The following NUP188 variants were observed in gnomAD, a reference collection of about 807,000 sequenced individuals.
NUP188 encodes nucleoporin NUP188.
A neutral mutation model predicts 223.0 loss-of-function variants in NUP188; 97 were observed. The observed-to-expected ratio is 0.43, with a 90% CI of 0.37 to 0.51. The LOEUF (loss-of-function observed/expected upper bound fraction) is 0.51. NUP188 is among the 20% of genes least tolerant of loss of function. NUP188 has a pLI of 0.00. For synonymous variants in NUP188, 869 were observed against 828.0 expected (o/e 1.05, Z -0.85); for missense variants, 1,947 against 2,175.6 (o/e 0.89, Z 2.09).
Position 129,005,691 on chromosome 9 carries a change from C to T in NUP188, c.4784C>T (p.Thr1595Ile), listed in dbSNP as rs530426584. 3 of 1,614,128 alleles carry T rather than the reference C, an allele frequency of 1.9e-6. No individual in the cohort carries two copies. The highest frequency in any genetic ancestry group is 1.3e-5 in the African/African-American group (1 of 75,030). ...EYNFLFALSF[T>I]TPTFDSEVAP... ...AACTTCCTGTTTGCCCTGAGCTTTA[C>T]CACTCCCACCTTTGACTCCGAAGTG... The change falls in exon 41 of 44, where the codon ACC becomes ATC. Residue 1595 changes from threonine (T) to isoleucine (I), a missense_variant. Around this residue, in one of 3 missense-constraint regions of NUP188, gnomAD observed 905 missense variants for 990.6 expected, o/e 0.91. Transcript: ENST00000372577.
intron 38 of NUP188, 131 bp from the exon 39 acceptor site, chr9:129,005,016 G>A (rs1842753180): frequency 1.4e-6 from 1 of 697,758 alleles, no homozygotes; most frequent in Non-Finnish European, 2.6e-6. Context: ...GAGCATGAGG[G>A]AAGGAGGGAG....
At chr9:128,984,396 G>A (rs1470387665) in intron 19 of NUP188, among the ~76,000 whole-genome samples, 3 of 152,142 alleles carry the variant, frequency 2.0e-5, no homozygotes, top group Non-Finnish European at 4.4e-5. Flanking sequence ...AAAGTGCTGG[G>A]ATTACAGGCA....
At chr9:128,983,852 G>A (rs774045862) in intron 19 of NUP188, among the ~76,000 whole-genome samples, 5 of 151,550 alleles carry the variant, frequency 3.3e-5, no homozygotes, top group South Asian at 2.1e-4. Flanking sequence ...ATGGAGTTTC[G>A]CTCTGTTACC....
chr9:128,986,981 C>T (rs1046420828), intron 22 of NUP188, 106 bp downstream of exon 22: 11 of 923,968 alleles, frequency 1.2e-5, no homozygotes, highest in Non-Finnish European at 1.9e-5. Flanking sequence ...CTTGCTTGAG[C>T]CCAGAACTCA....
At chr9:128,978,069 C>T (rs1295681326) in intron 12 of NUP188, among the ~76,000 whole-genome samples, 1 of 151,958 alleles carries the variant, frequency 6.6e-6, no homozygotes, top group African/African-American at 2.4e-5. Flanking sequence ...TATAATCTTA[C>T]TTTTTAAACC....
At chr9:128,991,005 G>A (rs1158056878) in intron 25 of NUP188, among the ~76,000 whole-genome samples, 12 of 152,086 alleles carry the variant, frequency 7.9e-5, no homozygotes, top group African/African-American at 2.7e-4. Flanking sequence ...GCGACAGAGC[G>A]AGACTCCGTC....
intron 37 of NUP188, among the ~76,000 whole-genome samples, 158 bp from the exon 38 acceptor site, chr9:129,003,159 C>T (rs1340941257): frequency 2.6e-5 from 4 of 152,200 alleles, no homozygotes; most frequent in South Asian, 4.1e-4. Flanking sequence ...AGGACGGGAA[C>T]GGTCTCGGGT....
At chr9:128,954,940 G>C (rs1841848246) in intron 3 of NUP188, among the ~76,000 whole-genome samples, 1 of 150,312 alleles carries the variant, frequency 6.7e-6, no homozygotes, top group Admixed American at 6.7e-5. Context: ...TGCAACCTTT[G>C]CCTCCTGGGT....
chr9:128,967,676 G>T (rs17485478), intron 8 of NUP188, among the ~76,000 whole-genome samples: 1 of 152,084 alleles, frequency 6.6e-6, no homozygotes, highest in Non-Finnish European at 1.5e-5. Flanking sequence ...TGTAATCCCA[G>T]CTACTCGGGA....
intron 24 of NUP188, among the ~76,000 whole-genome samples, chr9:128,989,252 G>A (rs1344777072): frequency 6.6e-6 from 1 of 152,204 alleles, no homozygotes; most frequent in Non-Finnish European, 1.5e-5. Context: ...ACAAAAAAAA[G>A]TAGCTGGGCC....
At chr9:128,991,257 C>T (rs1015862259) in intron 25 of NUP188, among the ~76,000 whole-genome samples, 2 of 147,888 alleles carry the variant, frequency 1.4e-5, no homozygotes, top group African/African-American at 2.5e-5. Flanking sequence ...TAAAAAGTAT[C>T]GGCTGGGCGC....
rs1338450929 is a variant in NUP188, at chr9:128,947,735, G to A, written c.16G>A (p.Gly6Ser). 2 of 1,473,892 alleles carry A rather than the reference G, an allele frequency of 1.4e-6. No individual in the cohort carries two copies. Among genetic ancestry groups the A allele is most frequent in the East Asian group, 2.6e-5 (1 of 37,936 alleles). 91.3% of individuals were successfully genotyped at this position (1,473,892 alleles called of 1,614,324 possible). Residue 6 changes from glycine to serine, a missense_variant, in exon 1 of 44, where the codon GGC becomes AGC. By Grantham distance (56) the Gly-to-Ser change is moderately conservative (BLOSUM62 0). Transcript: ENST00000372577. Reference protein sequence around the residue: MAAAAGGPCVRSSREL... With the variant: MAAAASGPCVRSSREL... ...GCGCGCGAAGATGGCGGCGGCCGCC[G>A]GCGGGCCGTGTGTGAGGTGCGGAGC...
intron 30 of NUP188, among the ~76,000 whole-genome samples, chr9:128,996,969 C>T (rs17452484): frequency 0.3 from 44,948 of 152,100 alleles, 7,819 homozygotes; most frequent in Admixed American, 0.39. Context: ...ATAGAGAGTG[C>T]CCTATGATGG....
At chr9:129,003,234 T>C (rs752271669) in intron 37 of NUP188, 83 bp from the exon 38 acceptor site, 16 of 1,493,624 alleles carry the variant, frequency 1.1e-5, no homozygotes, top group Non-Finnish European at 1.4e-5. Flanking sequence ...CCTGGGACGT[T>C]GCCTCTCCAC....
chr9:128,973,342 C>A, intron 12 of NUP188, 93 bp downstream of exon 12: 1 of 797,702 alleles, frequency 1.3e-6, no homozygotes, highest in East Asian at 2.6e-5. Flanking sequence ...TATTATTTAC[C>A]TCATGTGTTA....
intron 12 of NUP188, among the ~76,000 whole-genome samples, chr9:128,974,504 G>A (rs547373287): frequency 1.3e-5 from 2 of 151,604 alleles, no homozygotes; most frequent in South Asian, 2.1e-4. Context: ...GGGATTACAG[G>A]TGTGAGCTAT....
intron 34 of NUP188, among the ~76,000 whole-genome samples, chr9:129,000,357 C>T (rs1412229286): frequency 6.6e-6 from 1 of 152,152 alleles, no homozygotes; most frequent in Non-Finnish European, 1.5e-5. Context: ...CTCGCTCTGT[C>T]GCCCAGGGTG....
At chr9:128,983,404 A>G in intron 18 of NUP188, 24 bp downstream of exon 18, 1 of 1,613,386 alleles carries the variant, frequency 6.2e-7, no homozygotes, top group African/African-American at 1.3e-5. Flanking sequence ...TCTTCCCAAG[A>G]GCCAAAAATG....
At position 128,981,382 on chromosome 9, in the gene NUP188, A is replaced by G. The variant is rs1564558831; in HGVS notation, c.1508A>G (p.Tyr503Cys). ...CGGAGACAAACACCCAAACTCCTTT[A>G]TCCCCTTGGTGAGATAAAGAGATCC... is the stretch of plus-strand genomic sequence containing the variant. ...LWRRQTPKLL[Y>C]PLGGQTNLRI... The change falls in exon 15 of 44, where the codon TAT becomes TGT. Residue 503 changes from tyrosine to cysteine, a missense_variant. Transcript: ENST00000372577. 1 of 1,612,248 alleles carries G rather than the reference A, an allele frequency of 6.2e-7. No homozygotes were observed. Among genetic ancestry groups the G allele is most frequent in the Non-Finnish European group, 8.5e-7 (1 of 1,179,422 alleles).
Sources: gnomAD v4.1 joint callset for allele counts (sites outside exome capture counted in the v4.1 genomes callset) on GRCh38, gnomAD v4.1.1 for gene constraint, gnomAD v4.1.1 regional missense constraint, MANE v1.5 for transcripts, NCBI Gene and HGNC (gene_info 2026-07-23, HGNC 2026-07-21) for gene names.